LSM14B: variants seen among roughly 807,000 people sequenced by gnomAD.
LSM14B encodes protein LSM14 homolog B.
A neutral mutation model predicts 42.1 loss-of-function variants in LSM14B; 8 were observed. The observed-to-expected ratio is 0.19, with a 90% CI of 0.11 to 0.34. The LOEUF (loss-of-function observed/expected upper bound fraction) is 0.34. LSM14B is among the 10% of genes least tolerant of loss of function. The probability of loss-of-function intolerance (pLI) is 1.00; values close to 1 mark genes in which losing one functional copy is unlikely to be tolerated. For missense variants in LSM14B, 396 were observed against 513.1 expected (o/e 0.77, Z 2.21); for synonymous variants, 219 against 209.7 (o/e 1.04, Z -0.38).
intron 6 of LSM14B, 40 bp from the exon 7 acceptor site, chr20:62,131,316 G>T: frequency 6.4e-7 from 1 of 1,557,438 alleles, no homozygotes; most frequent in Non-Finnish European, 8.7e-7. Context: ...TGTGCGCTCT[G>T]CCCCTCCTCC....
Position 62,131,342 on chromosome 20 carries a change from G to A in LSM14B, c.836-14G>A. On this transcript the variant is annotated splice_polypyrimidine_tract_variant and intron_variant, in intron 6 of 8. Transcript: ENST00000279068. ...CCCCTCCTCCATCTCCACGTGTTCT[G>A]CTTCTTTTTGTAGATGACAAGGCTG... The A allele has an allele frequency of 6.3e-7, 1 of 1,579,818 alleles. No homozygotes were observed. Among genetic ancestry groups the A allele is most frequent in the Non-Finnish European group, 8.6e-7 (1 of 1,162,810 alleles).
intron 1 of LSM14B, 77 bp from the exon 2 acceptor site, chr20:62,124,540 G>A: frequency 6.6e-7 from 1 of 1,506,536 alleles, no homozygotes; most frequent in Non-Finnish European, 9.0e-7. Context: ...TCTTTTGGAA[G>A]GCTTGGGAGC....
In LSM14B at chr20:62,130,644, A is replaced by G; in HGVS notation, c.788A>G (p.Asn263Ser). ...FDFESANAQFNREELDKEFKK... is the reference protein window; with the variant it reads ...FDFESANAQFSREELDKEFKK... The stretch of plus-strand genomic sequence containing the variant: ...TTCGAGAGTGCAAATGCCCAGTTCA[A>G]CCGAGAGGAGCTTGACAAAGAATTT... Residue 263 changes from asparagine (N) to serine (S), a missense_variant, in exon 6 of 9, where the codon AAC (asparagine) becomes AGC (serine). Asn to Ser is a conservative substitution (Grantham distance 46, BLOSUM62 1). This residue lies in a region of LSM14B where 4 missense variants were observed against 21.0 expected (regional missense o/e 0.19). Transcript: ENST00000279068. This position sits in a 1 kb window ranked among gnomAD's most constrained non-coding sequence, Gnocchi z 4.1. 6.2e-7 allele frequency: 1 copy of G among 1,613,960 alleles called. No individual in the cohort carries two copies. The highest frequency in any genetic ancestry group is 8.5e-7 in the Non-Finnish European group (1 of 1,179,878).
At chr20:62,127,668 T>C (rs1181384934) in intron 3 of LSM14B, 1 of 1,550,924 alleles carries the variant, frequency 6.4e-7, no homozygotes, top group South Asian at 1.2e-5. Context: ...AGAGCTTGAC[T>C]TGTCCTCAGA....
Position 62,127,752 on chromosome 20 carries a change from G to T in LSM14B, c.427+1313G>T, listed in dbSNP as rs1003040727. The T allele has an allele frequency of 8.7e-6, 11 of 1,266,152 alleles. No individual in the cohort carries two copies. In the African/African-American group the frequency reaches 1.2e-4, roughly 14 times the overall value. The allele number at this position is 1,266,152 out of a possible 1,614,324, so 78.4% of individuals were successfully genotyped here. A position where few individuals can be genotyped will look rare whatever the true frequency, so the allele number is the denominator to read the frequency against. On this transcript the variant is annotated intron_variant, in intron 3 of 8. Coordinates refer to ENST00000279068, the MANE Select transcript of LSM14B (RefSeq NM_144703.3). ...TGCTGTCTTGCAAACCATTCTGAGA[G>T]CGAGGGGTAAAGCAGCAGACAGAAT...
In LSM14B at chr20:62,133,378, C is replaced by T. The variant is rs773531018; in HGVS notation, c.1075C>T (p.Arg359Trp). The T allele has an allele frequency of 8.7e-6, 14 of 1,613,162 alleles. No individual in the cohort carries two copies. The highest frequency in any genetic ancestry group is 1.3e-5 in the African/African-American group (1 of 74,850). ...SGRFLRGRSS[R>W]GGFRGGRGNG... ...GAGGTTTCTTCGTGGCCGCAGTTCT[C>T]GGGGCGGATTCCGAGGAGGCAGGGG... The change falls in exon 8 of 9, where the codon CGG (arginine) becomes TGG (tryptophan). Residue 359 changes from arginine to tryptophan, a missense_variant. This residue lies in a region of LSM14B where 118 missense variants were observed against 156.4 expected (regional missense o/e 0.75). Coordinates refer to ENST00000279068, the MANE Select transcript of LSM14B (RefSeq NM_144703.3).
intron 2 of LSM14B, among the ~76,000 whole-genome samples, chr20:62,125,338 C>T (rs768182739): frequency 1.3e-5 from 2 of 152,124 alleles, no homozygotes; most frequent in African/African-American, 4.8e-5. Context: ...TGCATGTGCG[C>T]GTGTGTAGTG....
rs1383584958 is a variant in LSM14B, at chr20:62,134,295, C to T, written c.*147C>T. The T allele has an allele frequency of 4.2e-6, 2 of 471,820 alleles. No individual in the cohort carries two copies. Among genetic ancestry groups the T allele is most frequent in the South Asian group, 1.5e-5 (1 of 64,574 alleles). 29.2% of individuals were successfully genotyped at this position (471,820 alleles called of 1,614,324 possible). A position where few individuals can be genotyped will look rare whatever the true frequency, so the allele number is the denominator to read the frequency against. On this transcript the variant is annotated 3_prime_UTR_variant, in exon 9 of 9. Transcript: ENST00000279068. ...CCCATACTGCTACTTGTGTTTTGGA[C>T]TTAACTGAACTTGGACATGGTCTGA...
At position 62,135,006 on chromosome 20, in the gene LSM14B, G is replaced by C. The variant is rs1296034937; in HGVS notation, c.*858G>C. On this transcript the variant is annotated 3_prime_UTR_variant, in exon 9 of 9. Transcript: ENST00000279068. ...TTCTCATCCACTTGGAAACAAGCCA[G>C]TCTTTTCTGCAAGGTCAGTTGACCA... 1 of 152,246 alleles carries C rather than the reference G, an allele frequency of 6.6e-6. No homozygotes were observed. 9.4% of individuals were successfully genotyped at this position (152,246 alleles called of 1,614,324 possible).
At position 62,130,476 on chromosome 20, in the gene LSM14B, G is replaced by A; in HGVS notation, c.674-54G>A. Reference sequence around the variant, plus strand: ...CCTGGAAATTCCTTGTGAGGTGTTTGAGATCACTGGGTTGGTGACCTACTT... The same window carrying A: ...CCTGGAAATTCCTTGTGAGGTGTTTAAGATCACTGGGTTGGTGACCTACTT... On this transcript the variant is annotated intron_variant, in intron 5 of 8. Transcript: ENST00000279068. The surrounding 1 kb of genome is among the most constrained non-coding windows in gnomAD (Gnocchi z 4.1). 1 of 1,595,842 alleles carries A rather than the reference G, an allele frequency of 6.3e-7. No individual in the cohort carries two copies. Among genetic ancestry groups the A allele is most frequent in the South Asian group, 1.1e-5 (1 of 88,852 alleles).
rs2056429809 is a variant in LSM14B, at chr20:62,122,523, G to A, written c.-144G>A. On this transcript the variant is annotated 5_prime_UTR_variant, in exon 1 of 9. Transcript: ENST00000279068. The surrounding 1 kb of genome is among the most constrained non-coding windows in gnomAD (Gnocchi z 4.6). ...GCTCGGTGCCCGCGCAGGCCCCTCG[G>A]GCGGTGGCGAGGAGGCGCCCAGGCG... 2.0e-6 allele frequency: 1 copy of A among 507,946 alleles called. No homozygotes were observed. The allele number at this position is 507,946 out of a possible 1,614,324, so 31.5% of individuals were successfully genotyped here.
At chr20:62,125,499 G>A (rs1036694309) in intron 2 of LSM14B, among the ~76,000 whole-genome samples, 2 of 152,250 alleles carry the variant, frequency 1.3e-5, no homozygotes, top group African/African-American at 2.4e-5. Context: ...CTCGGGTTAC[G>A]CCCAGTCGTT....
At chr20:62,129,703 C>G in intron 3 of LSM14B, 82 bp from the exon 4 acceptor site, 2 of 1,398,728 alleles carry the variant, frequency 1.4e-6, no homozygotes, top group Non-Finnish European at 1.9e-6. Context: ...TCCTGACATG[C>G]CAGCAGAAGA....
At position 62,122,871 on chromosome 20, in the gene LSM14B, GGGCGCCCCGGAGCCT is replaced by G; in HGVS notation, c.127+86_127+100del. On this transcript the variant is annotated intron_variant, in intron 1 of 8. Coordinates refer to ENST00000279068, the MANE Select transcript of LSM14B (RefSeq NM_144703.3). This position sits in a 1 kb window ranked among gnomAD's most constrained non-coding sequence, Gnocchi z 4.6. ...GGCCTGCGGTGCCCTCCCCGCCCCG[GGGCGCCCCGGAGCCT>G]GGCGCCCAGACCCCGCCCAGAACCC... is the stretch of plus-strand genomic sequence containing the variant. The G allele has an allele frequency of 1.6e-6, 2 of 1,227,406 alleles. No homozygotes were observed. The highest frequency in any genetic ancestry group is 2.1e-6 in the Non-Finnish European group (2 of 968,940). The allele number at this position is 1,227,406 out of a possible 1,614,324, so 76.0% of individuals were successfully genotyped here.
At position 62,134,531 on chromosome 20, in the gene LSM14B, T is replaced by C; in HGVS notation, c.*383T>C. On this transcript the variant is annotated 3_prime_UTR_variant, in exon 9 of 9. Transcript: ENST00000279068. ...CTTTTAAAAGTGGAACCAAATCTGT[T>C]GGCAGAGGTGGCAGCCAAGTACATC... 3.1e-6 allele frequency: 1 copy of C among 320,786 alleles called. No homozygotes were observed. Among genetic ancestry groups the C allele is most frequent in the African/African-American group, 2.3e-5 (1 of 44,120 alleles). The allele number at this position is 320,786 out of a possible 1,614,324, so 19.9% of individuals were successfully genotyped here. A position where few individuals can be genotyped will look rare whatever the true frequency, so the allele number is the denominator to read the frequency against.
chr20:62,128,054 C>G, intron 3 of LSM14B: 1 of 557,474 alleles, frequency 1.8e-6, no homozygotes, highest in Non-Finnish European at 3.2e-6. Flanking sequence ...GGGGACTCCC[C>G]AAAGCACCTG....
chr20:62,126,176 C>G (rs760407249), intron 2 of LSM14B, 128 bp from the exon 3 acceptor site: 3 of 1,407,254 alleles, frequency 2.1e-6, no homozygotes, highest in Non-Finnish European at 2.9e-6. Context: ...CCCAAGGGCT[C>G]CTCCAGCATC....
At position 62,130,697 on chromosome 20, in the gene LSM14B, G is replaced by A; in HGVS notation, c.835+6G>A. On this transcript the variant is annotated splice_donor_region_variant and intron_variant, in intron 6 of 8. Coordinates refer to ENST00000279068, the MANE Select transcript of LSM14B (RefSeq NM_144703.3). This position sits in a 1 kb window ranked among gnomAD's most constrained non-coding sequence, Gnocchi z 4.1. ...GAAGAAACTGAATTTTAAAGGTTTG[G>A]CTCATTATATGAAAATTATTCTCTG... 1.9e-6 allele frequency: 3 copies of A among 1,612,548 alleles called. No homozygotes were observed. Among genetic ancestry groups the A allele is most frequent in the Non-Finnish European group, 2.5e-6 (3 of 1,179,654 alleles).
intron 3 of LSM14B, among the ~76,000 whole-genome samples, chr20:62,127,041 G>A (rs1240995240): frequency 1.3e-5 from 2 of 152,196 alleles, no homozygotes; most frequent in Non-Finnish European, 2.9e-5. Context: ...CTTCAAAGAA[G>A]AAATAGCTGA....
Sources: allele counts gnomAD v4.1 joint callset (sites outside exome capture counted in the v4.1 genomes callset), GRCh38; gene constraint gnomAD v4.1.1; regional missense constraint gnomAD v4.1.1; non-coding constraint Gnocchi (gnomAD v3.1); transcripts MANE v1.5; gene names NCBI Gene and HGNC (gene_info 2026-07-23, HGNC 2026-07-21).